The following CREB5 variants were observed in gnomAD, a reference collection of about 807,000 sequenced individuals.
CREB5 encodes the protein cyclic AMP-responsive element-binding protein 5.
CREB5 carries 19 observed loss-of-function variants against 57.1 expected under a neutral mutation model. The ratio of observed to expected loss-of-function variants is 0.33; its 90% CI spans 0.23 to 0.49. CREB5 has a LOEUF of 0.49. Ranked by LOEUF, CREB5 falls within the 20% of genes least tolerant of loss-of-function variation. The pLI is 0.99. For synonymous variants in CREB5, 238 were observed against 238.3 expected, an observed-to-expected ratio of 1.00 and a Z score of 0.01; for missense variants, 579 against 671.6, an observed-to-expected ratio of 0.86 and a Z score of 1.52.
intron 7 of CREB5, among the ~76,000 whole-genome samples, chr7:28,775,139 G>T (rs1806545780): frequency 6.6e-6 from 1 of 152,094 alleles, no homozygotes; most frequent in South Asian, 2.1e-4. Flanking sequence ...AAAATACGTT[G>T]TGTGGCTTAA....
intron 5 of CREB5, among the ~76,000 whole-genome samples, chr7:28,608,100 C>CTA (rs1583410027): frequency 5.7e-5 from 2 of 34,854 alleles, no homozygotes; most frequent in East Asian, 9.6e-4. Flanking sequence ...CTCTGTCTCT[C>CTA]TCTCTCTCTC....
intron 4 of CREB5, among the ~76,000 whole-genome samples, chr7:28,543,519 G>A (rs941945005): frequency 7.3e-6 from 1 of 137,542 alleles, no homozygotes; most frequent in Non-Finnish European, 1.5e-5. Context: ...CTTTCCATCA[G>A]TTTTTGTACA....
At chr7:28,538,043 A>T (rs1356989893) in intron 4 of CREB5, among the ~76,000 whole-genome samples, 1 of 151,194 alleles carries the variant, frequency 6.6e-6, no homozygotes, top group Non-Finnish European at 1.5e-5. Flanking sequence ...TGTTGTTGTT[A>T]TCGTTTTGTT....
intron 7 of CREB5, among the ~76,000 whole-genome samples, chr7:28,751,725 A>C (rs1804983794): frequency 6.6e-6 from 1 of 152,204 alleles, no homozygotes; most frequent in Admixed American, 6.5e-5. Flanking sequence ...AATTACCAAA[A>C]CCAGGAAATT....
chr7:28,772,632 T>C (rs1806389751), intron 7 of CREB5, among the ~76,000 whole-genome samples: 1 of 152,196 alleles, frequency 6.6e-6, no homozygotes, highest in African/African-American at 2.4e-5. Context: ...TTGAGAGACA[T>C]TTTCAAGCTA....
chr7:28,372,623 AT>A (rs1786730714), intron 1 of CREB5, among the ~76,000 whole-genome samples: 1 of 152,218 alleles, frequency 6.6e-6, no homozygotes, highest in Non-Finnish European at 1.5e-5. Flanking sequence ...CCAGTTTATT[AT>A]AGATTGGTAT....
chr7:28,545,782 T>C (rs570929645), intron 4 of CREB5, among the ~76,000 whole-genome samples: 1 of 152,098 alleles, frequency 6.6e-6, no homozygotes, highest in East Asian at 1.9e-4. Context: ...CCACGCCCAT[T>C]CTCTTCTTCT....
At chr7:28,727,956 G>GTTTA (rs1048903053) in intron 7 of CREB5, among the ~76,000 whole-genome samples, 2 of 151,960 alleles carry the variant, frequency 1.3e-5, no homozygotes, top group African/African-American at 4.8e-5. Flanking sequence ...TTGTTTGTTT[G>GTTTA]TTTGTTTGAG....
chr7:28,490,672 T>C (rs1436617725), intron 2 of CREB5, among the ~76,000 whole-genome samples: 4 of 152,226 alleles, frequency 2.6e-5, no homozygotes, highest in Admixed American at 1.3e-4. Flanking sequence ...CCCTGGCCTC[T>C]ACCCACTAGA....
intron 1 of CREB5, among the ~76,000 whole-genome samples, chr7:28,331,836 A>G: frequency 6.7e-6 from 1 of 148,644 alleles, no homozygotes; most frequent in East Asian, 1.9e-4. Flanking sequence ...GTGACAGAGC[A>G]AAACTCCATC....
intron 1 of CREB5, among the ~76,000 whole-genome samples, chr7:28,345,273 C>CTTTTTTT (rs58373526): frequency 6.7e-6 from 1 of 148,560 alleles, no homozygotes. Context: ...CAAAACAAGT[C>CTTTTTTT]TTTTTTTTTT....
chr7:28,341,603 G>A (rs1785938567), intron 1 of CREB5, among the ~76,000 whole-genome samples: 1 of 152,154 alleles, frequency 6.6e-6, no homozygotes, highest in African/African-American at 2.4e-5. Context: ...GTAGGAAGGG[G>A]TTTGCACTTT....
chr7:28,652,166 AT>A (rs1799153469), intron 5 of CREB5, among the ~76,000 whole-genome samples: 3 of 152,140 alleles, frequency 2.0e-5, no homozygotes, highest in Non-Finnish European at 4.4e-5. Flanking sequence ...CCATATTTCA[AT>A]TTTTATATGA....
chr7:28,812,747 C>G (rs1278270123), intron 9 of CREB5, among the ~76,000 whole-genome samples: 1 of 152,196 alleles, frequency 6.6e-6, no homozygotes, highest in African/African-American at 2.4e-5. Context: ...ATTCCGCTAC[C>G]TTTGAATGAC....
At chr7:28,452,675 C>A (rs988427560) in intron 1 of CREB5, among the ~76,000 whole-genome samples, 1 of 152,080 alleles carries the variant, frequency 6.6e-6, no homozygotes, top group Non-Finnish European at 1.5e-5. Context: ...AGAGCTGGGG[C>A]CTAAAGAGGG....
At chr7:28,373,535 G>A (rs1380616214) in intron 1 of CREB5, among the ~76,000 whole-genome samples, 1 of 150,828 alleles carries the variant, frequency 6.6e-6, no homozygotes, top group East Asian at 2.0e-4. Context: ...CTGCCTCTGG[G>A]TCTTAAGCCT....
At chr7:28,404,372 A>G (rs1035007256) in intron 1 of CREB5, among the ~76,000 whole-genome samples, 1 of 152,094 alleles carries the variant, frequency 6.6e-6, no homozygotes, top group South Asian at 2.1e-4. Context: ...GTGACCTCTC[A>G]GGGCTGTCAG....
chr7:28,495,002 A>C lies in CREB5; in HGVS notation c.169+3A>C. 6.3e-7 allele frequency: 1 copy of C among 1,586,646 alleles called. No individual in the cohort carries two copies. The highest frequency in any genetic ancestry group is 8.5e-7 in the Non-Finnish European group (1 of 1,170,896). ...AAAAACAGACAATATGTTATCAGGT[A>C]AGGAGCCATCAGGAAAAGAAGCTTT... On this transcript the variant is annotated splice_donor_region_variant and intron_variant, in intron 3 of 10. Transcript: ENST00000357727.
At position 28,784,277 on chromosome 7, in the gene CREB5, T is replaced by C. The variant is rs546717666; in HGVS notation, c.703-19922T>C. On this transcript the variant is annotated intron_variant, in intron 7 of 10. Coordinates refer to ENST00000357727, the MANE Select transcript of CREB5 (RefSeq NM_182898.4). ...CAGCTTGACACAGGAATCCTTTGGC[T>C]TCTCACTGCCCCTGCTGACCCAGCC... 2.8e-4 allele frequency among the ~76,000 whole-genome samples: 43 copies of C among 152,338 alleles called. 1 individual carries two copies. Among genetic ancestry groups the C allele is most frequent in the Admixed American group, 1.5e-3 (23 of 15,310 alleles).
Sources: gnomAD v4.1 joint callset for allele counts (sites outside exome capture counted in the v4.1 genomes callset) on GRCh38, gnomAD v4.1.1 for gene constraint, MANE v1.5 for transcripts, NCBI Gene and HGNC (gene_info 2026-07-23, HGNC 2026-07-21) for gene names.